The following TBL1XR1 variants were observed in gnomAD, a reference collection of about 807,000 sequenced individuals.
TBL1XR1 encodes TBL1X/Y related 1.
Under a neutral mutation model 66.9 loss-of-function variants are expected in TBL1XR1, and 5 were observed. The observed-to-expected ratio is 0.07, with a 90% CI of 0.04 to 0.16. The LOEUF is 0.16. Among genes scored for constraint, TBL1XR1 ranks in the 10% least tolerant of loss-of-function variants. The pLI is 1.00. For synonymous variants in TBL1XR1, 210 were observed against 206.0 expected, an observed-to-expected ratio of 1.02 and a Z score of -0.17; for missense variants, 238 against 623.2, an observed-to-expected ratio of 0.38 and a Z score of 6.58.
chr3:177,187,318 C>T (rs547365206), intron 1 of TBL1XR1, among the ~76,000 whole-genome samples: 1 of 151,704 alleles, frequency 6.6e-6, no homozygotes, highest in East Asian at 1.9e-4. Context: ...TCGCTTGAAC[C>T]CGGGAGGCAG....
At chr3:177,156,547 A>ACACT (rs1731539580) in intron 1 of TBL1XR1, among the ~76,000 whole-genome samples, 1 of 145,506 alleles carries the variant, frequency 6.9e-6, no homozygotes, top group Non-Finnish European at 1.5e-5. Context: ...ACACACACAC[A>ACACT]CTTATATATA....
chr3:177,186,548 C>T (rs1248063213), intron 1 of TBL1XR1, among the ~76,000 whole-genome samples: 1 of 152,118 alleles, frequency 6.6e-6, no homozygotes, highest in African/African-American at 2.4e-5. Flanking sequence ...ATACACTCTT[C>T]CCAATTAGCC....
chr3:177,147,440 T>C (rs1730385961), intron 1 of TBL1XR1, among the ~76,000 whole-genome samples: 1 of 152,216 alleles, frequency 6.6e-6, no homozygotes, highest in South Asian at 2.1e-4. Context: ...ACCAGCAAGT[T>C]TTCCAAAACA....
At chr3:177,072,885 G>A (rs1318178435) in intron 2 of TBL1XR1, among the ~76,000 whole-genome samples, 9 of 152,078 alleles carry the variant, frequency 5.9e-5, no homozygotes, top group African/African-American at 1.7e-4. Context: ...CCAACATGGC[G>A]AAACCCTGTC....
intron 15 of TBL1XR1, chr3:177,026,155 T>C (rs901034349): frequency 3.8e-6 from 2 of 523,202 alleles, no homozygotes; most frequent in African/African-American, 4.0e-5. Flanking sequence ...AACTGTCCAT[T>C]TCTAGATTAT....
chr3:177,174,925 GAT>G (rs1040383756), intron 1 of TBL1XR1, among the ~76,000 whole-genome samples: 23 of 152,232 alleles, frequency 1.5e-4, no homozygotes, highest in African/African-American at 5.5e-4. Flanking sequence ...GTCACTTTAT[GAT>G]ATGAGCCCTG....
intron 2 of TBL1XR1, among the ~76,000 whole-genome samples, chr3:177,095,799 T>C (rs1272273189): frequency 6.6e-6 from 1 of 152,126 alleles, no homozygotes; most frequent in Non-Finnish European, 1.5e-5. Context: ...TGCAATTAGA[T>C]TTAAAATTAC....
At chr3:177,096,235 C>T (rs1182096596) in intron 2 of TBL1XR1, among the ~76,000 whole-genome samples, 1 of 151,974 alleles carries the variant, frequency 6.6e-6, no homozygotes, top group African/African-American at 2.4e-5. Flanking sequence ...CACATCTGTG[C>T]AAATATATAG....
At chr3:177,163,397 T>C (rs1307147707) in intron 1 of TBL1XR1, among the ~76,000 whole-genome samples, 3 of 151,760 alleles carry the variant, frequency 2.0e-5, no homozygotes, top group Non-Finnish European at 4.4e-5. Flanking sequence ...TAATCCCAGC[T>C]ACTCAGGAGG....
intron 1 of TBL1XR1, among the ~76,000 whole-genome samples, chr3:177,115,146 G>A (rs1230675640): frequency 6.6e-6 from 1 of 152,004 alleles, no homozygotes; most frequent in Non-Finnish European, 1.5e-5. Context: ...ACAGTGTAAT[G>A]CCATCAACCA....
At chr3:177,137,536 A>G (rs915488740) in intron 1 of TBL1XR1, among the ~76,000 whole-genome samples, 20 of 152,240 alleles carry the variant, frequency 1.3e-4, no homozygotes, top group African/African-American at 4.3e-4. Flanking sequence ...AATAAAATCA[A>G]ACATTTTTTA....
chr3:177,095,253 C>A (rs999998225), intron 2 of TBL1XR1, among the ~76,000 whole-genome samples: 3 of 151,630 alleles, frequency 2.0e-5, no homozygotes, highest in Admixed American at 6.6e-5. Context: ...TAGGAGAGGG[C>A]GGGTGCTGTT....
chr3:177,184,463 T>C (rs1037407970), intron 1 of TBL1XR1, among the ~76,000 whole-genome samples: 21 of 152,144 alleles, frequency 1.4e-4, no homozygotes, highest in African/African-American at 5.1e-4. Flanking sequence ...CTCCTAAAGT[T>C]TGCACTAAAT....
chr3:177,161,730 G>A (rs1259322591), intron 1 of TBL1XR1, among the ~76,000 whole-genome samples: 1 of 150,808 alleles, frequency 6.6e-6, no homozygotes, highest in African/African-American at 2.4e-5. Flanking sequence ...GTTGCAGTGA[G>A]CCAAGATCAT....
chr3:177,082,119 G>A (rs1021780570), intron 2 of TBL1XR1, among the ~76,000 whole-genome samples: 1 of 152,102 alleles, frequency 6.6e-6, no homozygotes, highest in Admixed American at 6.5e-5. Context: ...TTAGGTATCA[G>A]TAATATAGAA....
At chr3:177,195,710 G>C (rs550751589) in intron 1 of TBL1XR1, 2 of 151,804 alleles carry the variant, frequency 1.3e-5, no homozygotes, top group Admixed American at 6.6e-5. Context: ...ATATGAGGTG[G>C]GGGGTAGAGC....
intron 1 of TBL1XR1, among the ~76,000 whole-genome samples, chr3:177,165,229 A>G (rs138956756): frequency 3.3e-5 from 5 of 152,370 alleles, no homozygotes; most frequent in Middle Eastern, 3.4e-3. Flanking sequence ...TTAGTATACA[A>G]AAGTCAATCG....
intron 2 of TBL1XR1, among the ~76,000 whole-genome samples, chr3:177,069,806 AAGGAAG>A (rs1719707348): frequency 8.7e-6 from 1 of 115,072 alleles, no homozygotes; most frequent in Non-Finnish European, 1.9e-5. Context: ...GGAAGGAAGG[AAGGAAG>A]GAAGGAAGGA....
intron 2 of TBL1XR1, among the ~76,000 whole-genome samples, chr3:177,097,880 A>G (rs1225206972): frequency 6.6e-6 from 1 of 152,186 alleles, no homozygotes; most frequent in Non-Finnish European, 1.5e-5. Context: ...CATCCTGATG[A>G]CCGTAGCTAA....
Sources: gnomAD v4.1 joint callset for allele counts (sites outside exome capture counted in the v4.1 genomes callset) on GRCh38, gnomAD v4.1.1 for gene constraint, MANE v1.5 for transcripts, NCBI Gene and HGNC (gene_info 2026-07-23, HGNC 2026-07-21) for gene names.